The following MDGA2 variants were observed in gnomAD, a reference collection of about 807,000 sequenced individuals.
MDGA2 encodes MAM domain containing glycosylphosphatidylinositol anchor 2.
A neutral mutation model predicts 117.8 loss-of-function variants in MDGA2; 40 were observed. The observed-to-expected ratio is 0.34, with a 90% CI of 0.26 to 0.44. The LOEUF is 0.44. MDGA2 is among the 20% of genes least tolerant of loss of function. MDGA2 has a pLI of 1.00. For missense variants in MDGA2, 1,123 were observed against 1,250.6 expected, an observed-to-expected ratio of 0.90 and a Z score of 1.54; for synonymous variants, 452 against 439.0, an observed-to-expected ratio of 1.03 and a Z score of -0.37.
chr14:47,605,088 C>T (rs200426812), intron 1 of MDGA2, among the ~76,000 whole-genome samples: 16 of 151,836 alleles, frequency 1.1e-4, no homozygotes, highest in East Asian at 3.9e-4. Flanking sequence ...CCTCCTCTCT[C>T]TTTTCCCCCA....
chr14:47,134,776 A>AAT (rs1882370965), intron 4 of MDGA2, among the ~76,000 whole-genome samples: 12 of 136,916 alleles, frequency 8.8e-5, no homozygotes, highest in Admixed American at 8.7e-4. Context: ...ACACACACAC[A>AAT]CTATATATAT....
intron 8 of MDGA2, among the ~76,000 whole-genome samples, chr14:46,958,031 A>C (rs896517022): frequency 6.6e-5 from 10 of 152,170 alleles, no homozygotes; most frequent in African/African-American, 2.4e-4. Context: ...CAATGAAAAG[A>C]TTCCTTTCTT....
intron 1 of MDGA2, among the ~76,000 whole-genome samples, chr14:47,447,089 T>G (rs1893138785): frequency 6.6e-6 from 1 of 152,162 alleles, no homozygotes; most frequent in Non-Finnish European, 1.5e-5. Flanking sequence ...GGATGAAATA[T>G]TTTCCTATTA....
At chr14:47,610,020 G>C (rs182698547) in intron 1 of MDGA2, among the ~76,000 whole-genome samples, 3 of 151,782 alleles carry the variant, frequency 2.0e-5, no homozygotes, top group African/African-American at 7.2e-5. Context: ...TCATACCAGG[G>C]AAGTCAATAA....
chr14:46,893,126 A>T (rs1281223525), intron 10 of MDGA2, among the ~76,000 whole-genome samples: 1 of 152,028 alleles, frequency 6.6e-6, no homozygotes, highest in Non-Finnish European at 1.5e-5. Flanking sequence ...ATGAATGGAT[A>T]AAGAAACTGC....
At chr14:47,572,898 C>T (rs967757977) in intron 1 of MDGA2, among the ~76,000 whole-genome samples, 2 of 152,062 alleles carry the variant, frequency 1.3e-5, no homozygotes, top group African/African-American at 4.8e-5. Context: ...ATTTACCCGA[C>T]TTTGATTAGA....
chr14:47,307,126 T>C (rs1237382423), intron 1 of MDGA2, among the ~76,000 whole-genome samples: 1 of 152,184 alleles, frequency 6.6e-6, no homozygotes, highest in Admixed American at 6.6e-5. Context: ...TTTCTTCTGT[T>C]TATCTCAAAA....
chr14:46,976,546 T>C (rs1886466392), intron 8 of MDGA2, among the ~76,000 whole-genome samples: 1 of 151,884 alleles, frequency 6.6e-6, no homozygotes, highest in Admixed American at 6.6e-5. Flanking sequence ...TTATTTTACA[T>C]TATCTAGCAT....
chr14:47,413,949 G>C (rs936599708), intron 1 of MDGA2, among the ~76,000 whole-genome samples: 20 of 152,018 alleles, frequency 1.3e-4, no homozygotes, highest in African/African-American at 4.3e-4. Context: ...TATGTCTCAG[G>C]CTCTTTTAAG....
rs76138892 is a variant in MDGA2, at chr14:47,220,285, G to T, written c.421-2090C>A. 6.4e-4 allele frequency among the ~76,000 whole-genome samples: 97 copies of T among 152,242 alleles called. 1 individual carries two copies. In the East Asian group the frequency reaches 0.017, roughly 27 times the overall value. Reference sequence around the variant, plus strand: ...AAGTTGTGACCTCAAAGTCTACAAAGAAAATTGTTCAGGCTTCCAGGAAAA... The same window carrying T: ...AAGTTGTGACCTCAAAGTCTACAAATAAAATTGTTCAGGCTTCCAGGAAAA... On this transcript the variant is annotated intron_variant, in intron 2 of 16. Coordinates refer to ENST00000399232, the MANE Select transcript of MDGA2 (RefSeq NM_001113498.3).
intron 1 of MDGA2, among the ~76,000 whole-genome samples, chr14:47,631,684 T>G (rs1303877644): frequency 6.6e-6 from 1 of 152,154 alleles, no homozygotes; most frequent in African/African-American, 2.4e-5. Flanking sequence ...CTTTCCCAAT[T>G]GTTTATTTTC....
At chr14:47,006,637 A>T (rs1370945581) in intron 8 of MDGA2, among the ~76,000 whole-genome samples, 1 of 151,486 alleles carries the variant, frequency 6.6e-6, no homozygotes, top group Non-Finnish European at 1.5e-5. Context: ...AGGGAAGCTG[A>T]TGATGTCTAT....
intron 1 of MDGA2, among the ~76,000 whole-genome samples, chr14:47,497,949 C>T (rs1031266546): frequency 6.6e-6 from 1 of 152,102 alleles, no homozygotes; most frequent in African/African-American, 2.4e-5. Context: ...AAATAAATCA[C>T]AAACACTATG....
chr14:47,030,470 C>T (rs1487313880), intron 8 of MDGA2, among the ~76,000 whole-genome samples: 2 of 151,800 alleles, frequency 1.3e-5, no homozygotes, highest in Non-Finnish European at 2.9e-5. Context: ...GCTGGGATCA[C>T]GCCACTGCAC....
At chr14:47,087,800 T>TAA (rs1491439831) in intron 6 of MDGA2, among the ~76,000 whole-genome samples, 9 of 47,496 alleles carry the variant, frequency 1.9e-4, no homozygotes, top group African/African-American at 2.9e-4. Context: ...CTGTAGGGTA[T>TAA]CAAAAAAAAA....
intron 3 of MDGA2, among the ~76,000 whole-genome samples, chr14:47,167,701 C>G (rs1022279505): frequency 6.6e-6 from 1 of 151,808 alleles, no homozygotes; most frequent in African/African-American, 2.4e-5. Flanking sequence ...AGGGAGTTAT[C>G]GGAAATATTC....
At chr14:46,848,149 T>C (rs1358392488) in intron 15 of MDGA2, among the ~76,000 whole-genome samples, 2 of 152,030 alleles carry the variant, frequency 1.3e-5, no homozygotes, top group Non-Finnish European at 2.9e-5. Flanking sequence ...CTGCTCGCAC[T>C]TGAAATTTAC....
intron 1 of MDGA2, among the ~76,000 whole-genome samples, chr14:47,660,917 T>C (rs533919925): frequency 5.9e-4 from 90 of 152,316 alleles, no homozygotes; most frequent in African/African-American, 2.0e-3. Flanking sequence ...GTCCTCAGTA[T>C]GGGCATTTCA....
intron 3 of MDGA2, among the ~76,000 whole-genome samples, chr14:47,179,717 A>G (rs1884622622): frequency 6.6e-6 from 1 of 152,152 alleles, no homozygotes; most frequent in South Asian, 2.1e-4. Flanking sequence ...ATGTTAAACT[A>G]ACAATTATAA....
Sources: gnomAD v4.1 joint callset for allele counts (sites outside exome capture counted in the v4.1 genomes callset) on GRCh38, gnomAD v4.1.1 for gene constraint, MANE v1.5 for transcripts, NCBI Gene and HGNC (gene_info 2026-07-23, HGNC 2026-07-21) for gene names.